The following PI4K2B variants were observed in gnomAD, a reference collection of about 807,000 sequenced individuals.
PI4K2B encodes phosphatidylinositol 4-kinase type 2-beta.
In PI4K2B, 46 loss-of-function variants were observed where a neutral mutation model predicts 56.6. The observed-to-expected ratio is 0.81, with a 90% confidence interval of 0.64 to 1.04. The LOEUF (loss-of-function observed/expected upper bound fraction) is 1.04. PI4K2B is among the 50% of genes least tolerant of loss of function. PI4K2B has a pLI of 0.00. For missense variants in PI4K2B, 556 were observed against 607.7 expected, an observed-to-expected ratio of 0.91 and a Z score of 0.89; for synonymous variants, 211 against 223.8, an observed-to-expected ratio of 0.94 and a Z score of 0.51.
intron 7 of PI4K2B, among the ~76,000 whole-genome samples, chr4:25,266,121 T>C (rs1391889375): frequency 2.0e-5 from 3 of 152,184 alleles, no homozygotes; most frequent in Non-Finnish European, 2.9e-5. Flanking sequence ...AACATTGTTA[T>C]ACCTCCGTTC....
chr4:25,237,554 C>T lies in PI4K2B; in HGVS notation c.268+3123C>T, dbSNP rs186940385. 2.9e-3 allele frequency among the ~76,000 whole-genome samples: 438 copies of T among 152,246 alleles called. 1 individual carries two copies. The highest frequency in any genetic ancestry group is 0.01 in the African/African-American group (419 of 41,540). On this transcript the variant is annotated intron_variant, in intron 1 of 9. Transcript: ENST00000264864. The stretch of plus-strand genomic sequence containing the variant: ...GCTAATTTTGTATTTTTAGTAGAAA[C>T]GGGGTTTCACCATGTTGGTCAGGCT...
rs986518330 is a variant in PI4K2B, at chr4:25,278,651, A to G, written c.*1464A>G. 12 of 152,730 alleles carry G rather than the reference A, an allele frequency of 7.9e-5. No homozygotes were observed. Among genetic ancestry groups the G allele is most frequent in the African/African-American group, 2.6e-4 (11 of 41,562 alleles). 9.5% of individuals were successfully genotyped at this position (152,730 alleles called of 1,614,324 possible). The stretch of plus-strand genomic sequence containing the variant: ...CCCTCCATTAGCTCAATTTTGAGAT[A>G]ATGGAAAATTGACTGGAAATTCAAA... On this transcript the variant is annotated 3_prime_UTR_variant, in exon 10 of 10. Transcript: ENST00000264864.
At position 25,255,046 on chromosome 4, in the gene PI4K2B, T is replaced by G; in HGVS notation, c.424-19T>G. 1 of 1,554,028 alleles carries G rather than the reference T, an allele frequency of 6.4e-7. No individual in the cohort carries two copies. The highest frequency in any genetic ancestry group is 8.9e-7 in the Non-Finnish European group (1 of 1,127,144). On this transcript the variant is annotated intron_variant, in intron 2 of 9. Transcript: ENST00000264864. ...ATATATGTAAAAAGTCTAATAAGAT[T>G]TTTACTTTTTTGCTCTAGAAAATTA...
intron 2 of PI4K2B, among the ~76,000 whole-genome samples, chr4:25,254,064 GTTTAC>G (rs1289782508): frequency 1.3e-5 from 2 of 152,156 alleles, no homozygotes; most frequent in Admixed American, 6.5e-5. Context: ...CTGGCCAAGA[GTTTAC>G]TTTAAATTGG....
chr4:25,245,665 C>T (rs530374403), intron 1 of PI4K2B, among the ~76,000 whole-genome samples: 40 of 152,226 alleles, frequency 2.6e-4, no homozygotes, highest in African/African-American at 6.5e-4. Flanking sequence ...GACAGGTGCC[C>T]GGTATTTAGC....
chr4:25,250,282 A>G (rs1162383618), intron 1 of PI4K2B, among the ~76,000 whole-genome samples: 1 of 152,144 alleles, frequency 6.6e-6, no homozygotes. Flanking sequence ...GAACGAGATC[A>G]TGTCCTTTGC....
intron 6 of PI4K2B, 22 bp downstream of exon 6, chr4:25,260,613 TATA>T (rs1716427385): frequency 3.5e-5 from 8 of 227,230 alleles, no homozygotes; most frequent in South Asian, 1.4e-4. Context: ...TACAATTTTA[TATA>T]TATATATATA....
chr4:25,234,384 C>A lies in PI4K2B; in HGVS notation c.221C>A (p.Ser74Tyr). ...LPLPPGDVGV[S>Y]RSSSAELDRS... The stretch of plus-strand genomic sequence containing the variant: ...CTCCCGCCCGGGGACGTGGGGGTCT[C>A]CCGGAGTTCGTCCGCCGAGCTGGAC... Residue 74 changes from serine to tyrosine, a missense_variant, in exon 1 of 10, where the codon TCC becomes TAC. Coordinates refer to ENST00000264864, the MANE Select transcript of PI4K2B (RefSeq NM_018323.4). 2 of 1,400,380 alleles carry A rather than the reference C, an allele frequency of 1.4e-6. No homozygotes were observed. Among genetic ancestry groups the A allele is most frequent in the Non-Finnish European group, 1.9e-6 (2 of 1,076,568 alleles). 86.7% of individuals were successfully genotyped at this position (1,400,380 alleles called of 1,614,324 possible).
chr4:25,235,597 A>T (rs549778783), intron 1 of PI4K2B, among the ~76,000 whole-genome samples: 2 of 152,328 alleles, frequency 1.3e-5, no homozygotes, highest in African/African-American at 4.8e-5. Context: ...TACCTGATGG[A>T]TGCATTGACG....
intron 4 of PI4K2B, 48 bp from the exon 5 acceptor site, chr4:25,258,989 C>T (rs762826389): frequency 1.9e-5 from 18 of 925,642 alleles, no homozygotes; most frequent in South Asian, 3.4e-5. Context: ...AATATTAATC[C>T]CCTTGTTCTT....
intron 6 of PI4K2B, among the ~76,000 whole-genome samples, chr4:25,261,100 A>G (rs894058969): frequency 3.3e-5 from 5 of 151,838 alleles, no homozygotes; most frequent in Admixed American, 2.6e-4. Flanking sequence ...ACTTTTTTAG[A>G]GTTTGAGAAA....
chr4:25,250,986 A>G (rs1223525704), intron 1 of PI4K2B, among the ~76,000 whole-genome samples: 3 of 145,468 alleles, frequency 2.1e-5, no homozygotes, highest in Non-Finnish European at 3.0e-5. Context: ...GCAATATGGG[A>G]AACGTAGGGA....
At chr4:25,269,995 C>T (rs1337532179) in intron 9 of PI4K2B, among the ~76,000 whole-genome samples, 4 of 152,104 alleles carry the variant, frequency 2.6e-5, no homozygotes, top group South Asian at 2.1e-4. Context: ...GCATCACAGG[C>T]GTGAGCCACC....
chr4:25,276,793 T>G lies in PI4K2B; in HGVS notation c.1273-221T>G, dbSNP rs1031933445. On this transcript the variant is annotated intron_variant, in intron 9 of 9. Transcript: ENST00000264864. ...TTACCATCTGGCAAAAGTTATTTAA[T>G]GCTAATTGTGTGTGTGTGTGTGTGC... 3.9e-5 allele frequency: 38 copies of G among 983,694 alleles called. No homozygotes were observed. In the African/African-American group the frequency reaches 5.9e-4, roughly 15 times the overall value. The allele number at this position is 983,694 out of a possible 1,614,324, so 60.9% of individuals were successfully genotyped here.
chr4:25,255,875 GCTGGGACTATAGGCACATA>G (rs1250884057), intron 3 of PI4K2B, among the ~76,000 whole-genome samples: 1 of 152,094 alleles, frequency 6.6e-6, no homozygotes, highest in Non-Finnish European at 1.5e-5. Flanking sequence ...CTCCTGAGTA[GCTGGGACTATAGGCACATA>G]CCATCATGCG....
chr4:25,259,006 T>C, intron 4 of PI4K2B, 31 bp from the exon 5 acceptor site: 1 of 1,200,338 alleles, frequency 8.3e-7, no homozygotes, highest in Non-Finnish European at 1.2e-6. Flanking sequence ...TCTTGTACTT[T>C]CTTTTCTAAC....
intron 1 of PI4K2B, among the ~76,000 whole-genome samples, chr4:25,242,032 C>G (rs1366561660): frequency 1.3e-5 from 2 of 152,126 alleles, no homozygotes; most frequent in African/African-American, 2.4e-5. Context: ...GCCGGTAATT[C>G]CAAGGAACCC....
intron 4 of PI4K2B, 44 bp from the exon 5 acceptor site, chr4:25,258,979 AATATTAATCCCCTT>A: frequency 1.2e-6 from 1 of 860,058 alleles, no homozygotes. Context: ...GAGAAATATA[AATATTAATCCCCTT>A]GTTCTTGTAC....
chr4:25,238,183 C>G (rs1715348606), intron 1 of PI4K2B, among the ~76,000 whole-genome samples: 2 of 152,088 alleles, frequency 1.3e-5, no homozygotes, highest in South Asian at 4.2e-4. Flanking sequence ...TGCAGGCAAC[C>G]CACAGATTTG....
Sources: gnomAD v4.1 joint callset for allele counts (sites outside exome capture counted in the v4.1 genomes callset) on GRCh38, gnomAD v4.1.1 for gene constraint, MANE v1.5 for transcripts, NCBI Gene and HGNC (gene_info 2026-07-23, HGNC 2026-07-21) for gene names.